The following NCKAP5 variants were observed in gnomAD, a reference collection of about 807,000 sequenced individuals.
NCKAP5 encodes nck-associated protein 5.
NCKAP5 carries 92 observed loss-of-function variants against 167.0 expected under a neutral mutation model. The ratio of observed to expected loss-of-function variants is 0.55; its 90% CI spans 0.47 to 0.66. The LOEUF (loss-of-function observed/expected upper bound fraction) is 0.66, where lower values mean the gene tolerates loss of function less well. Ranked by LOEUF, NCKAP5 falls within the 30% of genes least tolerant of loss-of-function variation. NCKAP5 has a pLI of 0.00. For synonymous variants in NCKAP5, 891 were observed against 877.4 expected (o/e 1.02, Z -0.27); for missense variants, 2,378 against 2,315.0 (o/e 1.03, Z -0.56).
At chr2:133,554,017 G>A (rs1455407995) in intron 2 of NCKAP5, among the ~76,000 whole-genome samples, 1 of 152,138 alleles carries the variant, frequency 6.6e-6, no homozygotes, top group Non-Finnish European at 1.5e-5. Flanking sequence ...GAGGCTCTGG[G>A]TCCTCTCCCA....
At chr2:132,804,463 T>G (rs1196319981) in intron 11 of NCKAP5, among the ~76,000 whole-genome samples, 2 of 152,342 alleles carry the variant, frequency 1.3e-5, no homozygotes, top group Non-Finnish European at 2.9e-5. Context: ...CAAGCTTTAT[T>G]TTTGAAAAGT....
chr2:133,511,696 A>C (rs190907002), intron 3 of NCKAP5, among the ~76,000 whole-genome samples: 7 of 152,350 alleles, frequency 4.6e-5, no homozygotes, highest in Admixed American at 4.6e-4. Context: ...CTCTATTCTA[A>C]GTACATGTAA....
the NCKAP5 span, among the ~76,000 whole-genome samples, chr2:133,623,044 G>T: frequency 6.6e-6 from 1 of 151,962 alleles, no homozygotes; most frequent in East Asian, 1.9e-4. Context: ...AAAACATGAG[G>T]TGAGAAAAGG....
rs539422899 is a variant in NCKAP5, at chr2:133,371,938, C to T, written c.70-68828G>A. 3.9e-5 allele frequency among the ~76,000 whole-genome samples: 6 copies of T among 152,008 alleles called. No homozygotes were observed. The South Asian group carries it at 6.2e-4, about 16-fold the overall frequency. Reference sequence around the variant, plus strand: ...ACTTCAACAAATGCCTTTATGCAACCGTGCCCTGAAATATTTACAAGCTTA... The same window carrying T: ...ACTTCAACAAATGCCTTTATGCAACTGTGCCCTGAAATATTTACAAGCTTA... On this transcript the variant is annotated intron_variant, in intron 3 of 19. Transcript: ENST00000409261.
chr2:133,622,733 C>T, the NCKAP5 span, among the ~76,000 whole-genome samples: 1 of 152,020 alleles, frequency 6.6e-6, no homozygotes, highest in Non-Finnish European at 1.5e-5. Flanking sequence ...ATCATACTGC[C>T]AAAAGCCACC....
intron 4 of NCKAP5, among the ~76,000 whole-genome samples, chr2:133,259,914 T>A (rs576979568): frequency 2.6e-5 from 4 of 152,138 alleles, no homozygotes; most frequent in African/African-American, 7.2e-5. Flanking sequence ...TATCAGGCAC[T>A]GAGAAAAAAA....
At chr2:132,732,354 T>C (rs1292769647) in intron 16 of NCKAP5, among the ~76,000 whole-genome samples, 1 of 151,872 alleles carries the variant, frequency 6.6e-6, no homozygotes. Context: ...TTAAGGGGTG[T>C]AGCACACCAA....
rs148042197 is a variant in NCKAP5, at chr2:132,852,668, G to C, written c.807+7824C>G. Among the ~76,000 whole-genome samples, 16 of 152,276 alleles carry C rather than the reference G, an allele frequency of 1.1e-4. No individual in the cohort carries two copies. The East Asian group carries it at 2.5e-3, about 24-fold the overall frequency. On this transcript the variant is annotated intron_variant, in intron 11 of 19. Coordinates refer to ENST00000409261, the MANE Select transcript of NCKAP5 (RefSeq NM_207363.3). ...AGCTATAATTAAATCCAGGACCTGG[G>C]ATCAATGTAAATATAAATCCCAGTA...
At chr2:133,594,411 C>T in the NCKAP5 span, among the ~76,000 whole-genome samples, 1 of 152,192 alleles carries the variant, frequency 6.6e-6, no homozygotes, top group African/African-American at 2.4e-5. Context: ...TGAGGATACA[C>T]AGCCCATCAT....
chr2:133,530,448 A>G (rs1412960197), intron 2 of NCKAP5, among the ~76,000 whole-genome samples: 2 of 152,204 alleles, frequency 1.3e-5, no homozygotes, highest in Non-Finnish European at 2.9e-5. Context: ...ATCAGGTCCA[A>G]CAAAAAGTAC....
intron 5 of NCKAP5, among the ~76,000 whole-genome samples, chr2:133,191,498 T>C (rs974900259): frequency 5.9e-5 from 9 of 152,094 alleles, no homozygotes; most frequent in African/African-American, 1.9e-4. Context: ...CTATTCACAA[T>C]AGCAGACTTG....
chr2:132,804,061 AAAACAAAC>A (rs3043673), intron 11 of NCKAP5, among the ~76,000 whole-genome samples: 29 of 151,998 alleles, frequency 1.9e-4, no homozygotes, highest in East Asian at 3.9e-4. Context: ...AAGTCTTTAC[AAAACAAAC>A]AAACAAACAA....
chr2:133,163,957 T>A (rs2083901507), intron 5 of NCKAP5, among the ~76,000 whole-genome samples: 2 of 152,156 alleles, frequency 1.3e-5, no homozygotes, highest in South Asian at 4.1e-4. Context: ...AACATAGATA[T>A]CTTAAATATG....
In NCKAP5 at chr2:132,781,078, C is replaced by A. The variant is rs72989577; in HGVS notation, c.5023G>T (p.Asp1675Tyr). The change falls in exon 15 of 20, where the codon GAT becomes TAT. Residue 1675 changes from aspartate (D) to tyrosine (Y), a missense_variant. Coordinates refer to ENST00000409261, the MANE Select transcript of NCKAP5 (RefSeq NM_207363.3). ...AGGGAGTCTTTTGGTACTTCCATATCGGCTTTGATTTTCATGTTTTTCTTG... is the reference window on the plus strand; with the variant it reads ...AGGGAGTCTTTTGGTACTTCCATATAGGCTTTGATTTTCATGTTTTTCTTG... ...NHKKNMKIKA[D>Y]MEVPKDSLVK... 4 of 1,613,492 alleles carry A rather than the reference C, an allele frequency of 2.5e-6. No individual in the cohort carries two copies. The highest frequency in any genetic ancestry group is 3.4e-6 in the Non-Finnish European group (4 of 1,179,700).
intron 5 of NCKAP5, among the ~76,000 whole-genome samples, chr2:133,136,564 G>A (rs17792341): frequency 0.19 from 29,407 of 152,064 alleles, 3,113 homozygotes; most frequent in Non-Finnish European, 0.24. Flanking sequence ...AGAAGTAATC[G>A]CTATATGTCT....
At chr2:133,362,793 G>A (rs1049926507) in intron 3 of NCKAP5, among the ~76,000 whole-genome samples, 7 of 151,982 alleles carry the variant, frequency 4.6e-5, no homozygotes, top group East Asian at 3.9e-4. Context: ...TTGCTCTGTC[G>A]CCCAGGCTGG....
chr2:133,444,403 G>GATAGATAGATAGAT lies in NCKAP5; in HGVS notation c.69+73054_69+73055insATCTATCTATCTAT, dbSNP rs1238853091. 4.0e-4 allele frequency among the ~76,000 whole-genome samples: 42 copies of GATAGATAGATAGAT among 105,272 alleles called. 1 individual carries two copies. The highest frequency in any genetic ancestry group is 1.6e-3 in the African/African-American group (41 of 25,290). The allele number at this position is 105,272 out of a possible 152,430, so 69.1% of individuals were successfully genotyped here. A position where few individuals can be genotyped will look rare whatever the true frequency, so the allele number is the denominator to read the frequency against. Reference sequence around the variant, plus strand: ...AGATAGATAGATAGATAGATAGATAGATAGATATAGATATAGATGTAGATA... The same window carrying GATAGATAGATAGAT: ...AGATAGATAGATAGATAGATAGATAGATAGATAGATAGATATAGATATAGATATAGATGTAGATA... On this transcript the variant is annotated intron_variant, in intron 3 of 19. Transcript: ENST00000409261.
At chr2:133,484,900 G>T in intron 3 of NCKAP5, among the ~76,000 whole-genome samples, 1 of 151,948 alleles carries the variant, frequency 6.6e-6, no homozygotes, top group East Asian at 1.9e-4. Flanking sequence ...GACAACCCTA[G>T]ACTAAGTCAA....
chr2:133,400,883 C>T (rs1386214237), intron 3 of NCKAP5, among the ~76,000 whole-genome samples: 1 of 152,108 alleles, frequency 6.6e-6, no homozygotes. Flanking sequence ...TGGCACAGAG[C>T]TTCTGAAGCT....
Sources: gnomAD v4.1 joint callset for allele counts (sites outside exome capture counted in the v4.1 genomes callset) on GRCh38, gnomAD v4.1.1 for gene constraint, MANE v1.5 for transcripts, NCBI Gene and HGNC (gene_info 2026-07-23, HGNC 2026-07-21) for gene names.